The following GPC4 variants were observed in gnomAD, a reference collection of about 807,000 sequenced individuals.
The protein encoded by GPC4 is glypican-4.
In GPC4, 10 loss-of-function variants were observed where a neutral mutation model predicts 35.0. The observed-to-expected ratio is 0.29, with a 90% CI of 0.18 to 0.48. GPC4 has a LOEUF of 0.48. Ranked by LOEUF, GPC4 falls within the 20% of genes least tolerant of loss-of-function variation. GPC4 has a pLI of 0.99. For missense variants in GPC4, 322 were observed against 451.3 expected (o/e 0.71, Z 2.60); for synonymous variants, 167 against 170.2 (o/e 0.98, Z 0.15).
intron 8 of GPC4, 33 bp downstream of exon 8, chrX:133,303,133 A>C (rs1440036290): frequency 1.1e-5 from 13 of 1,206,570 alleles, no homozygotes; most frequent in Non-Finnish European, 1.5e-5. Context: ...GACATACAAG[A>C]GCAATTCGTA....
intron 1 of GPC4, among the ~76,000 whole-genome samples, chrX:133,368,108 C>T (rs1603084256): frequency 1.8e-5 from 2 of 111,811 alleles, no homozygotes; most frequent in Non-Finnish European, 1.9e-5. Flanking sequence ...AAAGTGAGAC[C>T]CCATCTCTTT....
chrX:133,357,729 C>G (rs777751547), intron 1 of GPC4, among the ~76,000 whole-genome samples: 10 of 111,214 alleles, frequency 9.0e-5, no homozygotes, highest in African/African-American at 3.3e-4. Context: ...ACCCTCCTAA[C>G]TTCTCTGAGA....
In GPC4 at chrX:133,303,048, C is replaced by A; in HGVS notation, c.1490G>T (p.Gly497Val). ...FDISDESSGEGSGSGCEYQQC... is the reference protein window; with the variant it reads ...FDISDESSGEVSGSGCEYQQC... ...CTGATACTCACAGCCACTTCCACTT[C>A]CTTCTCCACTACTTTCATCACCTAG... Residue 497 changes from glycine to valine, a missense_variant, in exon 9 of 9, where the codon GGA (glycine) becomes GTA (valine). This residue lies in a region of GPC4 where 99 missense variants were observed against 110.0 expected (regional missense o/e 0.90). Coordinates refer to ENST00000370828, the MANE Select transcript of GPC4 (RefSeq NM_001448.3). 1.7e-6 allele frequency: 2 copies of A among 1,211,374 alleles called. No homozygotes were observed. The highest frequency in any genetic ancestry group is 2.2e-6 in the Non-Finnish European group (2 of 895,268).
chrX:133,338,362 T>A (rs1164323487), intron 2 of GPC4, among the ~76,000 whole-genome samples: 2 of 111,954 alleles, frequency 1.8e-5, no homozygotes, highest in Admixed American at 9.5e-5. Context: ...ATCAATCCTC[T>A]TAAAACTAAA....
At chrX:133,382,708 G>A (rs1449111869) in intron 1 of GPC4, among the ~76,000 whole-genome samples, 3 of 112,097 alleles carry the variant, frequency 2.7e-5, no homozygotes, top group Non-Finnish European at 5.6e-5. Flanking sequence ...CAGCCTGGGC[G>A]ACAGACAGAG....
intron 1 of GPC4, among the ~76,000 whole-genome samples, chrX:133,354,568 A>ATTTATTTATTTATTT (rs781240039): frequency 1.1e-5 from 1 of 95,206 alleles, no homozygotes; most frequent in African/African-American, 4.2e-5. Context: ...TTATTTATTT[A>ATTTATTTATTTATTT]TTTTTTTTTT....
chrX:133,408,601 G>T (rs1218221690), intron 1 of GPC4, among the ~76,000 whole-genome samples: 1 of 111,408 alleles, frequency 9.0e-6, no homozygotes, highest in Admixed American at 9.5e-5. Flanking sequence ...GGGCATGGTG[G>T]TGCATGCCTG....
At chrX:133,414,779 G>C in intron 1 of GPC4, 27 bp downstream of exon 1, 2 of 1,204,177 alleles carry the variant, frequency 1.7e-6, no homozygotes, top group Middle Eastern at 2.4e-4. Flanking sequence ...CGGTCTCTGC[G>C]CCCACCTCCC....
chrX:133,330,553 G>A (rs1799451938), intron 2 of GPC4, among the ~76,000 whole-genome samples: 1 of 110,053 alleles, frequency 9.1e-6, no homozygotes, highest in Non-Finnish European at 1.9e-5. Flanking sequence ...TTTTTTTCTC[G>A]AGCACGGCAT....
At chrX:133,391,350 T>C (rs2068718663) in intron 1 of GPC4, among the ~76,000 whole-genome samples, 2 of 111,976 alleles carry the variant, frequency 1.8e-5, no homozygotes, top group South Asian at 7.5e-4. Context: ...GGGCTGCTTT[T>C]TGCTCCTGGT....
At chrX:133,373,146 T>C (rs1452718965) in intron 1 of GPC4, among the ~76,000 whole-genome samples, 2 of 112,021 alleles carry the variant, frequency 1.8e-5, no homozygotes, top group Admixed American at 9.5e-5. Flanking sequence ...CTGTTTTCTA[T>C]AGCATTTTTA....
At position 133,385,753 on chromosome X, in the gene GPC4, T is replaced by C. The variant is rs145950984; in HGVS notation, c.160+29053A>G. Among the ~76,000 whole-genome samples the C allele has an allele frequency of 3.2e-3, 363 of 111,911 alleles. 3 individuals are homozygous for C. The highest frequency in any genetic ancestry group is 0.011 in the African/African-American group (343 of 30,876). ...ACTAGTTAAAATGCAAGTCATCTAA[T>C]TGCTGAGCTTTTATTCCTTTCCCAC... On this transcript the variant is annotated intron_variant, in intron 1 of 8. Transcript: ENST00000370828.
At chrX:133,389,375 A>G (rs957834463) in intron 1 of GPC4, among the ~76,000 whole-genome samples, 3 of 111,984 alleles carry the variant, frequency 2.7e-5, no homozygotes, top group African/African-American at 9.7e-5. Context: ...TATTTGATAA[A>G]TGCTTACAGA....
chrX:133,412,954 A>G (rs2124189913), intron 1 of GPC4, among the ~76,000 whole-genome samples: 1 of 112,418 alleles, frequency 8.9e-6, no homozygotes, highest in South Asian at 3.7e-4. Context: ...AGAAGATGAA[A>G]CCTTGTCACA....
In GPC4 at chrX:133,302,757, CTG is replaced by C. The variant is rs938413804; in HGVS notation, c.*108_*109del. 10 of 704,836 alleles carry C rather than the reference CTG, an allele frequency of 1.4e-5. No individual in the cohort carries two copies. The African/African-American group carries it at 1.9e-4, about 14-fold the overall frequency. 58.1% of individuals were successfully genotyped at this position (704,836 alleles called of 1,213,427 possible). A position where few individuals can be genotyped will look rare whatever the true frequency, so the allele number is the denominator to read the frequency against. On this transcript the variant is annotated 3_prime_UTR_variant, in exon 9 of 9. Transcript: ENST00000370828. ...TAAACCAGTGGCCACATAGTAAAAACTGTACATTGTTGTCCATTCATTTAAAA... is the reference window on the plus strand; with the variant it reads ...TAAACCAGTGGCCACATAGTAAAAACTACATTGTTGTCCATTCATTTAAAA...
At chrX:133,377,877 C>CTTTTTTT (rs59474368) in intron 1 of GPC4, among the ~76,000 whole-genome samples, 1 of 86,186 alleles carries the variant, frequency 1.2e-5, no homozygotes, top group Non-Finnish European at 2.2e-5. Flanking sequence ...TTTTCTTTTT[C>CTTTTTTT]TTTTTTTTTT....
At chrX:133,363,444 T>C (rs901469999) in intron 1 of GPC4, among the ~76,000 whole-genome samples, 1 of 111,622 alleles carries the variant, frequency 9.0e-6, no homozygotes, top group African/African-American at 3.3e-5. Flanking sequence ...CATTCCTCTC[T>C]TCCCAACATC....
At chrX:133,339,149 C>G in intron 2 of GPC4, 34 bp downstream of exon 2, 1 of 1,201,222 alleles carries the variant, frequency 8.3e-7, no homozygotes. Context: ...ACAGACCTAA[C>G]TGCCGGTTCT....
intron 1 of GPC4, among the ~76,000 whole-genome samples, chrX:133,344,557 T>C (rs1443067345): frequency 1.8e-5 from 2 of 110,763 alleles, no homozygotes; most frequent in African/African-American, 6.5e-5. Context: ...AACCATTTTC[T>C]ATATCTCTCT....
Sources: gnomAD v4.1 joint callset for allele counts (sites outside exome capture counted in the v4.1 genomes callset) on GRCh38, gnomAD v4.1.1 for gene constraint, gnomAD v4.1.1 regional missense constraint, MANE v1.5 for transcripts, NCBI Gene and HGNC (gene_info 2026-07-23, HGNC 2026-07-21) for gene names.